The following TENM2 variants were observed in gnomAD, a reference collection of about 807,000 sequenced individuals.
The protein encoded by TENM2 is teneurin transmembrane protein 2.
TENM2 carries 52 observed loss-of-function variants against 245.2 expected under a neutral mutation model. That is an observed-to-expected ratio of 0.21 (90% CI 0.17 to 0.27). TENM2 has a LOEUF of 0.27. TENM2 is among the 10% of genes least tolerant of loss of function. The probability of loss-of-function intolerance (pLI) is 1.00; values close to 1 mark genes in which losing one functional copy is unlikely to be tolerated. For synonymous variants in TENM2, 1,363 were observed against 1,438.9 expected, an observed-to-expected ratio of 0.95 and a Z score of 1.19; for missense variants, 3,046 against 3,666.8, an observed-to-expected ratio of 0.83 and a Z score of 4.37.
intron 13 of TENM2, among the ~76,000 whole-genome samples, chr5:168,181,299 T>A (rs915396732): frequency 2.0e-5 from 3 of 152,258 alleles, no homozygotes; most frequent in African/African-American, 7.2e-5. Flanking sequence ...AACACTATAA[T>A]CCCCTTGTCA....
At chr5:167,581,859 A>G (rs1456071422) in intron 2 of TENM2, among the ~76,000 whole-genome samples, 2 of 152,084 alleles carry the variant, frequency 1.3e-5, no homozygotes, top group East Asian at 3.9e-4. Context: ...CTGAAATTAG[A>G]TATTATTTTC....
chr5:167,885,743 G>C (rs1774232177), intron 3 of TENM2, among the ~76,000 whole-genome samples: 3 of 152,148 alleles, frequency 2.0e-5, no homozygotes, highest in Admixed American at 2.0e-4. Flanking sequence ...GAGTGCAATG[G>C]CATGGTCTTG....
chr5:167,244,701 C>T, the TENM2 span, among the ~76,000 whole-genome samples: 4 of 152,066 alleles, frequency 2.6e-5, no homozygotes, highest in African/African-American at 9.7e-5. Context: ...ACTGTACCTC[C>T]GAGGGATAGG....
intron 2 of TENM2, among the ~76,000 whole-genome samples, chr5:167,665,416 G>A (rs1489612659): frequency 6.6e-6 from 1 of 151,994 alleles, no homozygotes; most frequent in African/African-American, 2.4e-5. Context: ...TCTGGAGGCT[G>A]AGGGCAGAAG....
In TENM2 at chr5:167,762,195, G is replaced by A. The variant is rs115060321; in HGVS notation, c.503-113791G>A. 5.5e-3 allele frequency among the ~76,000 whole-genome samples: 836 copies of A among 152,142 alleles called. 5 individuals carry two copies. The highest frequency in any genetic ancestry group is 0.019 in the African/African-American group (798 of 41,498). On this transcript the variant is annotated intron_variant, in intron 2 of 28. Coordinates refer to ENST00000518659, the Ensembl canonical transcript of TENM2. ...CACACACGTGCACGTGCATGGATAC[G>A]CAGCTCTAAGGTTTTCTACAAGTGA...
chr5:167,681,361 T>C lies in TENM2; in HGVS notation c.503-194625T>C, dbSNP rs112515794. ...CATTTTAGACATATAGCCTAGCTCA[T>C]TGAACAGCTGCAGCTAATTTCAGAG... On this transcript the variant is annotated intron_variant, in intron 2 of 28. Transcript: ENST00000518659. 5.5e-3 allele frequency among the ~76,000 whole-genome samples: 832 copies of C among 152,290 alleles called. 6 individuals carry two copies. The highest frequency in any genetic ancestry group is 0.019 in the African/African-American group (788 of 41,572).
At chr5:167,188,188 A>G in the TENM2 span, among the ~76,000 whole-genome samples, 2 of 152,142 alleles carry the variant, frequency 1.3e-5, no homozygotes, top group Non-Finnish European at 2.9e-5. Flanking sequence ...TATATGACAC[A>G]TAATTCAGGA....
At chr5:167,428,296 C>T (rs532639367) in intron 2 of TENM2, among the ~76,000 whole-genome samples, 35 of 152,260 alleles carry the variant, frequency 2.3e-4, no homozygotes, top group African/African-American at 7.9e-4. Context: ...TTAAGTGCCT[C>T]AGTAACCCTA....
At chr5:167,056,834 G>T in the TENM2 span, among the ~76,000 whole-genome samples, 4 of 150,246 alleles carry the variant, frequency 2.7e-5, no homozygotes, top group East Asian at 7.8e-4. Context: ...ATCCTGGTTG[G>T]TGTTTTCCAA....
At chr5:167,607,820 C>T (rs1777165106) in intron 2 of TENM2, among the ~76,000 whole-genome samples, 1 of 152,044 alleles carries the variant, frequency 6.6e-6, no homozygotes, top group South Asian at 2.1e-4. Flanking sequence ...AGGCGATATG[C>T]CCAGTGTAAT....
At chr5:167,541,011 C>T (rs1414997370) in intron 2 of TENM2, among the ~76,000 whole-genome samples, 1 of 152,102 alleles carries the variant, frequency 6.6e-6, no homozygotes, top group Non-Finnish European at 1.5e-5. Context: ...GCAAGTGGCC[C>T]AGAAGTGGGA....
At chr5:167,686,663 T>C (rs1409726687) in intron 2 of TENM2, among the ~76,000 whole-genome samples, 2 of 152,154 alleles carry the variant, frequency 1.3e-5, no homozygotes, top group Non-Finnish European at 2.9e-5. Flanking sequence ...TGTTCTGGAA[T>C]TTTCTTGGCT....
At chr5:168,253,634 C>T (rs1369128398) in intron 27 of TENM2, among the ~76,000 whole-genome samples, 1 of 151,820 alleles carries the variant, frequency 6.6e-6, no homozygotes, top group Non-Finnish European at 1.5e-5. Context: ...ACCGTGTTAG[C>T]CAGGATGGTC....
chr5:167,356,166 T>C, intron 1 of TENM2, among the ~76,000 whole-genome samples: 1 of 111,334 alleles, frequency 9.0e-6, no homozygotes, highest in Admixed American at 1.3e-4. Context: ...CCAGCCTGGG[T>C]GGCTGAGCGA....
chr5:167,359,929 A>G (rs755500660), intron 1 of TENM2, among the ~76,000 whole-genome samples: 36 of 152,228 alleles, frequency 2.4e-4, no homozygotes, highest in Non-Finnish European at 4.3e-4. Context: ...ACAAAAAGCC[A>G]AATACCGCAT....
At chr5:166,999,391 C>A in the TENM2 span, among the ~76,000 whole-genome samples, 1 of 152,084 alleles carries the variant, frequency 6.6e-6, no homozygotes, top group African/African-American at 2.4e-5. Flanking sequence ...GGACAAATAC[C>A]AGAACCACAT....
chr5:167,680,704 A>T (rs1003397085), intron 2 of TENM2, among the ~76,000 whole-genome samples: 1 of 152,088 alleles, frequency 6.6e-6, no homozygotes, highest in African/African-American at 2.4e-5. Flanking sequence ...ACTGGACTGA[A>T]CCCAATAATG....
In TENM2 at chr5:168,183,649, T is replaced by G. The variant is rs148626937; in HGVS notation, c.2570-6688T>G. Among the ~76,000 whole-genome samples the G allele has an allele frequency of 9.9e-5, 15 of 152,260 alleles. No individual in the cohort carries two copies. In the East Asian group the frequency reaches 2.9e-3, roughly 29 times the overall value. ...ATCTTTCTTGCCCCAACTTATTGCT[T>G]CTTCCCTCCTTTTTATTGCTGCATT... is the stretch of plus-strand genomic sequence containing the variant. On this transcript the variant is annotated intron_variant, in intron 13 of 28. Transcript: ENST00000518659.
the TENM2 span, among the ~76,000 whole-genome samples, chr5:167,043,926 A>C: frequency 6.6e-6 from 1 of 152,060 alleles, no homozygotes; most frequent in African/African-American, 2.4e-5. Flanking sequence ...AGGCTGAGGC[A>C]GGAGAATCGC....
Sources: allele counts gnomAD v4.1 joint callset (sites outside exome capture counted in the v4.1 genomes callset), GRCh38; gene constraint gnomAD v4.1.1; transcripts MANE v1.5; gene names NCBI Gene and HGNC (gene_info 2026-07-23, HGNC 2026-07-21).